HECTD4: variants seen among roughly 807,000 people sequenced by gnomAD.
HECTD4 encodes HECT domain E3 ubiquitin protein ligase 4.
HECTD4 carries 114 observed loss-of-function variants against 471.5 expected under a neutral mutation model. The ratio of observed to expected loss-of-function variants is 0.24; its 90% CI spans 0.21 to 0.28. The LOEUF is 0.28. Ranked by LOEUF, HECTD4 falls within the 10% of genes least tolerant of loss-of-function variation. The pLI is 1.00. For synonymous variants in HECTD4, 2,012 were observed against 2,256.0 expected (o/e 0.89, Z 3.07); for missense variants, 3,866 against 5,651.5 (o/e 0.68, Z 10.13).
intron 28 of HECTD4, among the ~76,000 whole-genome samples, 176 bp downstream of exon 28, chr12:112,247,286 T>C (rs2033784473): frequency 6.6e-6 from 1 of 152,236 alleles, no homozygotes; most frequent in Non-Finnish European, 1.5e-5. Flanking sequence ...TTCAAATGCC[T>C]ATGCTAACTT....
At chr12:112,271,168 C>T (rs886496932) in intron 11 of HECTD4, among the ~76,000 whole-genome samples, 4 of 152,148 alleles carry the variant, frequency 2.6e-5, no homozygotes, top group Non-Finnish European at 4.4e-5. Context: ...TAAATTTACA[C>T]AAATACCAAA....
At position 112,258,557 on chromosome 12, in the gene HECTD4, C is replaced by T; in HGVS notation, c.3067G>A (p.Glu1023Lys). Residue 1023 changes from glutamate (E) to lysine (K), a missense_variant, in exon 20 of 76, where the codon GAG (glutamate) becomes AAG (lysine). Transcript: ENST00000682272. ...LLKTQCPVFA[E>K]VGCSPCGAPD... ...GCACCACACGGGGAACAGCCCACCT[C>T]AGCAAAAACCGGACACTGGGTTTTA... is the stretch of plus-strand genomic sequence containing the variant. 2 of 1,606,792 alleles carry T rather than the reference C, an allele frequency of 1.2e-6. No individual in the cohort carries two copies. The highest frequency in any genetic ancestry group is 1.7e-6 in the Non-Finnish European group (2 of 1,177,148).
intron 1 of HECTD4, among the ~76,000 whole-genome samples, chr12:112,340,546 T>C (rs958820030): frequency 6.6e-6 from 1 of 152,176 alleles, no homozygotes; most frequent in African/African-American, 2.4e-5. Context: ...TACTGGCATC[T>C]AGTGGGTAGA....
At chr12:112,259,411 A>T in intron 18 of HECTD4, 146 bp from the exon 19 acceptor site, 1 of 753,148 alleles carries the variant, frequency 1.3e-6, no homozygotes, top group African/African-American at 1.8e-5. Context: ...TTCAGTCCAC[A>T]AATTTTCCAC....
rs745953602 is a variant in HECTD4, at chr12:112,229,706, C to T, written c.6511G>A (p.Glu2171Lys). 35 of 1,611,724 alleles carry T rather than the reference C, an allele frequency of 2.2e-5. No individual in the cohort carries two copies. In the South Asian group the frequency reaches 2.4e-4, roughly 11 times the overall value. ...AACATGGTGGTTGGTACCTGAACCT[C>T]GGATCCTATCTTGATTGTCTCTTTG... ...GFKETIKIGSEVQVLGRGISG... is the reference protein window; with the variant it reads ...GFKETIKIGSKVQVLGRGISG... Residue 2171 changes from glutamate (E) to lysine (K), a missense_variant, in exon 41 of 76, where the codon GAG becomes AAG. Glu to Lys is a moderately conservative substitution (Grantham distance 56). This residue lies in a region of HECTD4 where 617 missense variants were observed against 915.1 expected (regional missense o/e 0.67). Transcript: ENST00000682272.
intron 7 of HECTD4, chr12:112,302,326 C>T: frequency 1.3e-6 from 1 of 757,636 alleles, no homozygotes; most frequent in East Asian, 2.5e-5. Flanking sequence ...CAGCCTGGGC[C>T]AACAGCCTCT....
chr12:112,330,270 T>C (rs1213587087), intron 1 of HECTD4, among the ~76,000 whole-genome samples: 1 of 148,914 alleles, frequency 6.7e-6, no homozygotes, highest in Non-Finnish European at 1.5e-5. Flanking sequence ...GAGTGATACT[T>C]TGTCTCAAAA....
chr12:112,363,992 CAAAAA>C (rs1175386198), intron 1 of HECTD4, among the ~76,000 whole-genome samples: 6 of 52,886 alleles, frequency 1.1e-4, no homozygotes, highest in Admixed American at 2.5e-4. Flanking sequence ...ACTCAATCTC[CAAAAA>C]AAAAAAAAAA....
chr12:112,268,533 A>G (rs929801553), intron 13 of HECTD4, among the ~76,000 whole-genome samples: 13 of 152,286 alleles, frequency 8.5e-5, no homozygotes, highest in Admixed American at 8.5e-4. Context: ...AGGTGGGTGG[A>G]TCACCTGAGG....
At chr12:112,304,547 A>T (rs1210242848) in intron 7 of HECTD4, among the ~76,000 whole-genome samples, 3 of 151,940 alleles carry the variant, frequency 2.0e-5, no homozygotes, top group African/African-American at 7.3e-5. Flanking sequence ...CCCTTTTTAA[A>T]ACTCCTGGGC....
rs999035567 is a variant in HECTD4, at chr12:112,225,918, A to G, written c.6970+725T>C. Among the ~76,000 whole-genome samples, 4 of 152,212 alleles carry G rather than the reference A, an allele frequency of 2.6e-5. No individual in the cohort carries two copies. In the East Asian group the frequency reaches 7.7e-4, roughly 29 times the overall value. The stretch of plus-strand genomic sequence containing the variant: ...GCTGGGATTACAGGCACATGCTGCC[A>G]TGCCCAGCTTAGATACTTAATAATA... On this transcript the variant is annotated intron_variant, in intron 44 of 75. Transcript: ENST00000682272.
intron 1 of HECTD4, among the ~76,000 whole-genome samples, chr12:112,367,832 A>C (rs972343288): frequency 2.5e-4 from 38 of 149,032 alleles, no homozygotes; most frequent in Admixed American, 4.7e-4. Flanking sequence ...AAAAAAAAAA[A>C]AAAAAAAAAA....
At chr12:112,215,753 C>T (rs2032901196) in intron 48 of HECTD4, among the ~76,000 whole-genome samples, 1 of 152,130 alleles carries the variant, frequency 6.6e-6, no homozygotes, top group East Asian at 1.9e-4. Flanking sequence ...GATTTTCTTG[C>T]CTCAGCCTCT....
In HECTD4 at chr12:112,259,094, G is replaced by A; in HGVS notation, c.3027+18C>T. On this transcript the variant is annotated intron_variant, in intron 19 of 75. Transcript: ENST00000682272. ...GTTGGCCAAAAAGCAGTTCACTTTGGCACACCAAGGATCATACCTGGCTGG... is the reference window on the plus strand; with the variant it reads ...GTTGGCCAAAAAGCAGTTCACTTTGACACACCAAGGATCATACCTGGCTGG... 1 of 1,581,888 alleles carries A rather than the reference G, an allele frequency of 6.3e-7. No homozygotes were observed. The highest frequency in any genetic ancestry group is 8.5e-7 in the Non-Finnish European group (1 of 1,169,778).
chr12:112,285,173 G>C (rs1394270051), intron 7 of HECTD4, among the ~76,000 whole-genome samples: 1 of 152,092 alleles, frequency 6.6e-6, no homozygotes, highest in African/African-American at 2.4e-5. Flanking sequence ...ACTTACCTCT[G>C]TGTAAAGTGC....
intron 60 of HECTD4, among the ~76,000 whole-genome samples, chr12:112,186,309 T>C (rs1231964556): frequency 2.7e-5 from 4 of 149,174 alleles, no homozygotes; most frequent in Admixed American, 6.6e-5. Flanking sequence ...GCATATTCTT[T>C]TTTTTTTTTT....
At chr12:112,267,031 T>C (rs2034291797) in intron 13 of HECTD4, 49 bp from the exon 14 acceptor site, 1 of 996,904 alleles carries the variant, frequency 1.0e-6, no homozygotes, top group African/African-American at 1.6e-5. Flanking sequence ...TTCTAGAAAA[T>C]CAACTCTAAA....
chr12:112,262,979 G>A (rs571008167), intron 17 of HECTD4, among the ~76,000 whole-genome samples: 2 of 152,116 alleles, frequency 1.3e-5, no homozygotes, highest in African/African-American at 4.8e-5. Flanking sequence ...AACTAATGAT[G>A]AGCCAAATCA....
At chr12:112,247,391 A>G in intron 28 of HECTD4, 71 bp downstream of exon 28, 1 of 716,478 alleles carries the variant, frequency 1.4e-6, no homozygotes, top group South Asian at 2.0e-5. Flanking sequence ...ATCTATTAAG[A>G]GACTAGACCT....
Sources: gnomAD v4.1 joint callset for allele counts (sites outside exome capture counted in the v4.1 genomes callset) on GRCh38, gnomAD v4.1.1 for gene constraint, gnomAD v4.1.1 regional missense constraint, MANE v1.5 for transcripts, NCBI Gene and HGNC (gene_info 2026-07-23, HGNC 2026-07-21) for gene names.